Variants in SNX13 observed in about 807,000 individuals in gnomAD.
SNX13 encodes the protein sorting nexin-13.
Under a neutral mutation model 133.6 loss-of-function variants are expected in SNX13, and 45 were observed. The observed-to-expected ratio is 0.34, with a 90% CI of 0.27 to 0.43. The LOEUF is 0.43. Among genes scored for constraint, SNX13 ranks in the 20% least tolerant of loss-of-function variants. The pLI is 1.00. For missense variants in SNX13, 1,032 were observed against 1,145.1 expected, an observed-to-expected ratio of 0.90 and a Z score of 1.43; for synonymous variants, 414 against 373.9, an observed-to-expected ratio of 1.11 and a Z score of -1.24.
chr7:17,821,187 T>C (rs186585905), intron 18 of SNX13, among the ~76,000 whole-genome samples: 234 of 152,328 alleles, frequency 1.5e-3, no homozygotes, highest in African/African-American at 5.2e-3. Flanking sequence ...TCCCCATTCC[T>C]ACTTCAATCT....
intron 3 of SNX13, among the ~76,000 whole-genome samples, chr7:17,891,863 G>C (rs2127993242): frequency 6.6e-6 from 1 of 152,078 alleles, no homozygotes; most frequent in South Asian, 2.1e-4. Flanking sequence ...AAATTATTTA[G>C]AATGTGGGAA....
chr7:17,826,193 G>A lies in SNX13; in HGVS notation c.1636-102C>T, dbSNP rs1787893765. 3 of 630,980 alleles carry A rather than the reference G, an allele frequency of 4.8e-6. No individual in the cohort carries two copies. In the African/African-American group the frequency reaches 5.5e-5, roughly 12 times the overall value. 39.1% of individuals were successfully genotyped at this position (630,980 alleles called of 1,614,324 possible). On this transcript the variant is annotated intron_variant, in intron 16 of 25. Coordinates refer to ENST00000428135, the MANE Select transcript of SNX13 (RefSeq NM_015132.5). Reference sequence around the variant, plus strand: ...ATGCATTACAATTACTCATTTCCCTGCATGTAAACTATATATTATTTGTAT... The same window carrying A: ...ATGCATTACAATTACTCATTTCCCTACATGTAAACTATATATTATTTGTAT...
intron 4 of SNX13, among the ~76,000 whole-genome samples, chr7:17,891,261 G>A (rs947914899): frequency 1.3e-5 from 2 of 151,870 alleles, no homozygotes; most frequent in Admixed American, 6.6e-5. Context: ...GTTCATCAAC[G>A]AAAGAGTAAC....
intron 8 of SNX13, among the ~76,000 whole-genome samples, chr7:17,869,555 T>C (rs1793807325): frequency 6.6e-6 from 1 of 152,210 alleles, no homozygotes; most frequent in East Asian, 1.9e-4. Context: ...AAGTAAAGGA[T>C]CACAGAAGGT....
intron 1 of SNX13, among the ~76,000 whole-genome samples, chr7:17,933,499 C>T (rs1053753358): frequency 2.0e-5 from 3 of 151,042 alleles, no homozygotes; most frequent in African/African-American, 7.3e-5. Context: ...GCTGAGATCG[C>T]GCCACTGCAC....
chr7:17,914,787 T>A (rs1799360938), intron 1 of SNX13, among the ~76,000 whole-genome samples: 1 of 151,992 alleles, frequency 6.6e-6, no homozygotes, highest in African/African-American at 2.4e-5. Context: ...AAGCACATGG[T>A]CTCCAGACCC....
Position 17,868,173 on chromosome 7 carries a change from T to C in SNX13, c.837+234A>G, listed in dbSNP as rs763880823. The C allele has an allele frequency of 1.3e-4, 53 of 419,658 alleles. 1 individual carries two copies. The highest frequency in any genetic ancestry group is 5.5e-5 in the Non-Finnish European group (13 of 237,274). The allele number at this position is 419,658 out of a possible 1,614,324, so 26.0% of individuals were successfully genotyped here. On this transcript the variant is annotated intron_variant, in intron 9 of 25. Coordinates refer to ENST00000428135, the MANE Select transcript of SNX13 (RefSeq NM_015132.5). ...AAAATATTCTATTTTTTTAAAGAAA[T>C]AGTAGTAGCACCATAACCGCAAGGA... is the stretch of plus-strand genomic sequence containing the variant.
In SNX13 at chr7:17,888,492, G is replaced by GA. The variant is rs1220430401; in HGVS notation, c.440+1870dup. The GA allele has an allele frequency of 1.6e-4, 34 of 216,450 alleles. 1 individual carries two copies. In the East Asian group the frequency reaches 4.8e-3, roughly 31 times the overall value. 13.4% of individuals were successfully genotyped at this position (216,450 alleles called of 1,614,324 possible). On this transcript the variant is annotated intron_variant, in intron 5 of 25. Coordinates refer to ENST00000428135, the MANE Select transcript of SNX13 (RefSeq NM_015132.5). ...TTATAAAATATTTAATTGGGTAGGA[G>GA]AAAAAATACCAAACTTAAGAACAAT...
At chr7:17,807,868 G>C (rs1156549465) in intron 20 of SNX13, among the ~76,000 whole-genome samples, 2 of 145,330 alleles carry the variant, frequency 1.4e-5, no homozygotes, top group Non-Finnish European at 3.0e-5. Context: ...AGAGGGGCCT[G>C]ATTGTTAGAA....
chr7:17,805,051 CG>C (rs1324943611), intron 20 of SNX13, among the ~76,000 whole-genome samples: 9 of 152,210 alleles, frequency 5.9e-5, no homozygotes, highest in Admixed American at 5.2e-4. Flanking sequence ...ATATGCTTGA[CG>C]GAACATCCAA....
At chr7:17,927,254 T>C (rs779470144) in intron 1 of SNX13, among the ~76,000 whole-genome samples, 8 of 150,724 alleles carry the variant, frequency 5.3e-5, no homozygotes, top group Non-Finnish European at 1.0e-4. Context: ...TGTATATATA[T>C]ATATTAGAAA....
At chr7:17,900,124 C>G (rs1335738381) in intron 1 of SNX13, 1 of 152,214 alleles carries the variant, frequency 6.6e-6, no homozygotes, top group African/African-American at 2.4e-5. Flanking sequence ...TCTAAATTAC[C>G]AGGCAGAAAC....
chr7:17,874,980 T>C (rs1794551946), intron 7 of SNX13, among the ~76,000 whole-genome samples: 1 of 152,206 alleles, frequency 6.6e-6, no homozygotes, highest in Non-Finnish European at 1.5e-5. Context: ...ATGTTTGCGT[T>C]TGCTATATTT....
At chr7:17,855,065 G>A (rs1791715183) in intron 9 of SNX13, among the ~76,000 whole-genome samples, 1 of 152,196 alleles carries the variant, frequency 6.6e-6, no homozygotes, top group Non-Finnish European at 1.5e-5. Context: ...GAACACTTAT[G>A]GTGATATGGA....
chr7:17,900,869 A>T (rs552097346), intron 1 of SNX13, among the ~76,000 whole-genome samples: 1 of 152,110 alleles, frequency 6.6e-6, no homozygotes, highest in East Asian at 2.0e-4. Flanking sequence ...TCCTTTTCTC[A>T]AACAGAAGAA....
chr7:17,854,504 T>C (rs1791649541), intron 9 of SNX13, among the ~76,000 whole-genome samples: 1 of 152,194 alleles, frequency 6.6e-6, no homozygotes, highest in Non-Finnish European at 1.5e-5. Flanking sequence ...CAACGCTGTG[T>C]CCAGAAACTC....
chr7:17,927,243 ATGTATATATATATAT>A (rs1338888708), intron 1 of SNX13, among the ~76,000 whole-genome samples: 5 of 149,922 alleles, frequency 3.3e-5, no homozygotes, highest in African/African-American at 4.9e-5. Context: ...ATATATATAT[ATGTATATATATATAT>A]TAGAAACAGT....
At chr7:17,858,449 C>T (rs180843643) in intron 9 of SNX13, among the ~76,000 whole-genome samples, 2 of 151,832 alleles carry the variant, frequency 1.3e-5, no homozygotes, top group Admixed American at 6.6e-5. Context: ...GTGAAAGATA[C>T]ATAAACACTA....
Position 17,845,702 on chromosome 7 carries a change from C to A in SNX13, c.1066-8G>T. On this transcript the variant is annotated splice_polypyrimidine_tract_variant and splice_region_variant and intron_variant, in intron 11 of 25. Coordinates refer to ENST00000428135, the MANE Select transcript of SNX13 (RefSeq NM_015132.5). ...TTTCACAGTATTTATTTCCTACAGG[C>A]AAAAGTGAATATAAGTTAATATTTT... 6.5e-7 allele frequency: 1 copy of A among 1,546,626 alleles called. No individual in the cohort carries two copies. The highest frequency in any genetic ancestry group is 2.3e-5 in the East Asian group (1 of 43,212).
Sources: allele counts gnomAD v4.1 joint callset (sites outside exome capture counted in the v4.1 genomes callset), GRCh38; gene constraint gnomAD v4.1.1; transcripts MANE v1.5; gene names NCBI Gene and HGNC (gene_info 2026-07-23, HGNC 2026-07-21).